The following SYT1 variants were observed in gnomAD, a reference collection of about 807,000 sequenced individuals.
SYT1 encodes the protein synaptotagmin 1, also known as synaptotagmin-1.
SYT1 carries 8 observed loss-of-function variants against 44.8 expected under a neutral mutation model. The ratio of observed to expected loss-of-function variants is 0.18; its 90% confidence interval spans 0.10 to 0.32. The LOEUF (loss-of-function observed/expected upper bound fraction) is 0.32, where lower values mean the gene tolerates loss of function less well. Among genes scored for constraint, SYT1 ranks in the 10% least tolerant of loss-of-function variants. The pLI is 1.00. For synonymous variants in SYT1, 154 were observed against 188.8 expected (o/e 0.82, Z 1.51); for missense variants, 286 against 509.3 (o/e 0.56, Z 4.22).
chr12:79,277,926 T>C (rs531566754), intron 4 of SYT1, among the ~76,000 whole-genome samples: 2 of 152,014 alleles, frequency 1.3e-5, no homozygotes, highest in East Asian at 3.9e-4. Flanking sequence ...AGAAGGTCAT[T>C]ATATAATGAT....
rs529487587 is a variant in SYT1 at position 79,361,360 on chromosome 12, C to G, written c.928+7741C>G. Reference sequence around the variant, plus strand: ...TATTTGACAGAGCTAGGATGTCAACCCAAGCAGACTGTCTTCAGACTCCAA... The same window carrying G: ...TATTTGACAGAGCTAGGATGTCAACGCAAGCAGACTGTCTTCAGACTCCAA... On this transcript the variant is annotated intron_variant, in intron 9 of 10. Coordinates refer to ENST00000261205, the MANE Select transcript of SYT1 (RefSeq NM_005639.3). 1.4e-3 allele frequency among the ~76,000 whole-genome samples: 216 copies of G among 152,180 alleles called. 1 individual carries two copies. Among genetic ancestry groups the G allele is most frequent in the African/African-American group, 5.0e-3 (206 of 41,522 alleles).
chr12:79,173,358 G>A (rs61927326), intron 3 of SYT1, among the ~76,000 whole-genome samples: 10,646 of 152,052 alleles, frequency 0.07, 429 homozygotes, highest in African/African-American at 0.11. Context: ...TGGACTAAGC[G>A]TGCTTAATTT....
At chr12:79,028,634 A>G (rs1338327117) in intron 2 of SYT1, among the ~76,000 whole-genome samples, 1 of 151,398 alleles carries the variant, frequency 6.6e-6, no homozygotes, top group African/African-American at 2.4e-5. Context: ...CAAAATAAAA[A>G]TAATTATAAC....
In SYT1 at chr12:79,424,952, TC is replaced by T. The variant is rs1398047948; in HGVS notation, c.929-19120del. On this transcript the variant is annotated intron_variant, in intron 9 of 10. Coordinates refer to ENST00000261205, the MANE Select transcript of SYT1 (RefSeq NM_005639.3). ...TTGTTTTGCTTTTGATTTTTCTTCT[TC>T]TTTTTTTTTTTTTTTTTTTGAGACA... Among the ~76,000 whole-genome samples, 1,142 of 139,726 alleles carry T rather than the reference TC, an allele frequency of 8.2e-3. 5 individuals are homozygous for T. The highest frequency in any genetic ancestry group is 0.014 in the Non-Finnish European group (912 of 64,454). The allele number at this position is 139,726 out of a possible 152,430, so 91.7% of individuals were successfully genotyped here.
At chr12:79,224,478 A>G (rs1032024623) in intron 4 of SYT1, among the ~76,000 whole-genome samples, 1 of 152,248 alleles carries the variant, frequency 6.6e-6, no homozygotes, top group African/African-American at 2.4e-5. Flanking sequence ...AGGAGAAGCT[A>G]TCACAAAACC....
chr12:79,154,662 G>A (rs765289569), intron 3 of SYT1, among the ~76,000 whole-genome samples: 4 of 152,124 alleles, frequency 2.6e-5, no homozygotes, highest in Non-Finnish European at 5.9e-5. Flanking sequence ...GTTGGGGCAT[G>A]TGATAACTAA....
rs140248166 is a variant in SYT1, at chr12:79,321,957, C to T, written c.810+22406C>T. ...CCAGCCATTAGTTAGAGTGCCCGGA[C>T]GAGAGGAGAGAAGCAGAGGCTGGGA... On this transcript the variant is annotated intron_variant, in intron 8 of 10. Transcript: ENST00000261205. 1.5e-3 allele frequency among the ~76,000 whole-genome samples: 228 copies of T among 152,214 alleles called. 4 individuals are homozygous for T. The highest frequency in any genetic ancestry group is 4.9e-3 in the African/African-American group (205 of 41,524).
At chr12:78,876,898 T>TATATGTATTATATATAATACATATA (rs1565697970) in intron 1 of SYT1, among the ~76,000 whole-genome samples, 3 of 17,116 alleles carry the variant, frequency 1.8e-4, no homozygotes, top group African/African-American at 2.9e-4. Flanking sequence ...TAATATATAT[T>TATATGTATTATATATAATACATATA]ATATATTATA....
chr12:78,920,356 C>T (rs922791800), intron 1 of SYT1, among the ~76,000 whole-genome samples: 7 of 151,862 alleles, frequency 4.6e-5, no homozygotes, highest in Non-Finnish European at 8.8e-5. Flanking sequence ...GCTAATAGAT[C>T]GCATTCAACA....
At chr12:79,114,446 A>G (rs557039961) in intron 3 of SYT1, among the ~76,000 whole-genome samples, 1 of 152,114 alleles carries the variant, frequency 6.6e-6, no homozygotes, top group Non-Finnish European at 1.5e-5. Context: ...AGGTAGCTAC[A>G]GGTATTGGGA....
Position 79,069,447 on chromosome 12 carries a change from T to C in SYT1, c.-18+22085T>C, listed in dbSNP as rs866039086. ...TTCACAGACTTTTTCAGAACATATG[T>C]TCTTTTTATATTTGTCTATACATGT... On this transcript the variant is annotated intron_variant, in intron 3 of 10. Coordinates refer to ENST00000261205, the MANE Select transcript of SYT1 (RefSeq NM_005639.3). Among the ~76,000 whole-genome samples the C allele has an allele frequency of 3.3e-5, 5 of 152,094 alleles. No homozygotes were observed. In the South Asian group the frequency reaches 8.3e-4, roughly 25 times the overall value.
At chr12:78,958,281 CAAACA>C (rs959593743) in intron 1 of SYT1, among the ~76,000 whole-genome samples, 1 of 152,010 alleles carries the variant, frequency 6.6e-6, no homozygotes, top group Non-Finnish European at 1.5e-5. Context: ...TTCACAAATC[CAAACA>C]AAACAAGTTT....
intron 3 of SYT1, among the ~76,000 whole-genome samples, chr12:79,126,899 G>A (rs541188191): frequency 6.6e-6 from 1 of 152,190 alleles, no homozygotes; most frequent in East Asian, 1.9e-4. Context: ...TAAAACTCTG[G>A]CTTTCAACTT....
intron 3 of SYT1, among the ~76,000 whole-genome samples, chr12:79,056,063 G>A (rs1874912466): frequency 6.6e-6 from 1 of 151,970 alleles, no homozygotes; most frequent in Admixed American, 6.6e-5. Flanking sequence ...AAGAACAAAA[G>A]GCTAAACCAT....
chr12:79,115,920 C>T (rs951452842), intron 3 of SYT1, among the ~76,000 whole-genome samples: 2 of 152,156 alleles, frequency 1.3e-5, no homozygotes, highest in African/African-American at 4.8e-5. Flanking sequence ...AGTAAGTTCT[C>T]ATAAAATTTC....
At position 79,121,671 on chromosome 12, in the gene SYT1, C is replaced by T. The variant is rs189693580; in HGVS notation, c.-18+74309C>T. Among the ~76,000 whole-genome samples, 175 of 152,272 alleles carry T rather than the reference C, an allele frequency of 1.1e-3. 1 individual carries two copies. Among genetic ancestry groups the T allele is most frequent in the African/African-American group, 4.1e-3 (170 of 41,540 alleles). On this transcript the variant is annotated intron_variant, in intron 3 of 10. Coordinates refer to ENST00000261205, the MANE Select transcript of SYT1 (RefSeq NM_005639.3). Reference sequence around the variant, plus strand: ...CAGAGACAGCTAACGAGCAATGAGTCGGCTGCACTTGCGTACTGAGCCACC... The same window carrying T: ...CAGAGACAGCTAACGAGCAATGAGTTGGCTGCACTTGCGTACTGAGCCACC...
intron 4 of SYT1, among the ~76,000 whole-genome samples, chr12:79,261,588 T>C (rs1269934319): frequency 6.6e-6 from 1 of 152,182 alleles, no homozygotes; most frequent in Non-Finnish European, 1.5e-5. Flanking sequence ...CCTAATTATT[T>C]TAAATGTTAC....
chr12:79,130,739 T>G (rs940053895), intron 3 of SYT1, among the ~76,000 whole-genome samples: 3 of 152,170 alleles, frequency 2.0e-5, no homozygotes, highest in Non-Finnish European at 4.4e-5. Flanking sequence ...ATAAAGCTCA[T>G]GCTGCTTGTT....
At chr12:79,404,642 C>T (rs1885181252) in intron 9 of SYT1, among the ~76,000 whole-genome samples, 1 of 152,170 alleles carries the variant, frequency 6.6e-6, no homozygotes, top group Non-Finnish European at 1.5e-5. Context: ...ATCCAGGAAG[C>T]TTACGTGACT....
Sources: allele counts gnomAD v4.1 joint callset (sites outside exome capture counted in the v4.1 genomes callset), GRCh38; gene constraint gnomAD v4.1.1; transcripts MANE v1.5; gene names NCBI Gene and HGNC (gene_info 2026-07-23, HGNC 2026-07-21).